The following FAM120A variants were observed in gnomAD, a reference collection of about 807,000 sequenced individuals.
FAM120A encodes constitutive coactivator of PPAR-gamma-like protein 1.
FAM120A carries 15 observed loss-of-function variants against 109.7 expected under a neutral mutation model. The observed-to-expected ratio is 0.14, with a 90% CI of 0.09 to 0.21. The LOEUF (loss-of-function observed/expected upper bound fraction) is 0.21. FAM120A is among the 10% of genes least tolerant of loss of function. FAM120A has a pLI of 1.00. For synonymous variants in FAM120A, 493 were observed against 572.8 expected (o/e 0.86, Z 1.99); for missense variants, 899 against 1,439.3 (o/e 0.62, Z 6.07).
chr9:93,527,237 A>G lies in FAM120A; in HGVS notation c.1501A>G (p.Thr501Ala), dbSNP rs1861124634. ...GGCACGAGGAGACCCAGGAGACCAA[A>G]CAAAGGTAGAAAGTCTATGCCTTTT... is the stretch of plus-strand genomic sequence containing the variant. ...PQARGDPGDQ[T>A]KAEGSSTASS... The change falls in exon 8 of 18, where the codon ACA becomes GCA. Residue 501 changes from threonine (T) to alanine (A), a missense_variant. By Grantham distance (58) the Thr-to-Ala change is moderately conservative (BLOSUM62 0). Around this residue, in one of 11 missense-constraint regions of FAM120A, gnomAD observed 57 missense variants for 52.9 expected, o/e 1.08. Coordinates refer to ENST00000277165, the MANE Select transcript of FAM120A (RefSeq NM_014612.5). 4 of 1,613,694 alleles carry G rather than the reference A, an allele frequency of 2.5e-6. No individual in the cohort carries two copies. The South Asian group carries it at 4.4e-5, about 18-fold the overall frequency.
At chr9:93,555,432 C>CT (rs1219461182) in intron 12 of FAM120A, among the ~76,000 whole-genome samples, 3 of 152,166 alleles carry the variant, frequency 2.0e-5, no homozygotes, top group African/African-American at 7.2e-5. Context: ...CCAGAATGAC[C>CT]TTTTTCTCTT....
chr9:93,516,866 T>G (rs761556011), intron 7 of FAM120A, among the ~76,000 whole-genome samples: 2 of 152,214 alleles, frequency 1.3e-5, no homozygotes, highest in African/African-American at 4.8e-5. Flanking sequence ...GAGGAAATCT[T>G]TAATTTGCAC....
At chr9:93,515,326 G>A (rs1283044358) in intron 5 of FAM120A, among the ~76,000 whole-genome samples, 1,974 of 146,926 alleles carry the variant, frequency 0.013, no homozygotes, top group African/African-American at 0.051. Flanking sequence ...CCCTGAGCAG[G>A]GAGACTGAGT....
At chr9:93,535,727 T>C (rs1417530743) in intron 10 of FAM120A, among the ~76,000 whole-genome samples, 1 of 152,200 alleles carries the variant, frequency 6.6e-6, no homozygotes, top group East Asian at 1.9e-4. Flanking sequence ...GTCAGTGATA[T>C]ATCCATGATT....
intron 1 of FAM120A, among the ~76,000 whole-genome samples, chr9:93,466,127 C>T (rs1858007421): frequency 6.6e-6 from 1 of 152,046 alleles, no homozygotes; most frequent in African/African-American, 2.4e-5. Context: ...TTTCCTTTCG[C>T]TTATTTATAA....
chr9:93,499,088 T>C (rs1019700115), intron 5 of FAM120A, among the ~76,000 whole-genome samples: 32 of 152,086 alleles, frequency 2.1e-4, no homozygotes, highest in Non-Finnish European at 3.7e-4. Flanking sequence ...ACAGCCTTCA[T>C]AGGATGAAGA....
At chr9:93,459,390 A>G (rs1209664439) in intron 1 of FAM120A, among the ~76,000 whole-genome samples, 2 of 152,276 alleles carry the variant, frequency 1.3e-5, no homozygotes, top group South Asian at 2.1e-4. Context: ...ATCTGGATCA[A>G]TGGCCATTAC....
intron 3 of FAM120A, among the ~76,000 whole-genome samples, chr9:93,490,861 C>A (rs1343983445): frequency 6.6e-6 from 1 of 152,164 alleles, no homozygotes; most frequent in East Asian, 1.9e-4. Flanking sequence ...CATCAAAGAT[C>A]TTTTCTGTCT....
chr9:93,516,201 C>T lies in FAM120A; in HGVS notation c.1350C>T (p.Ser450=), dbSNP rs375847707. ...GCGGCAGCCCCAACCACGTGGATTCCGCCTACTTCCCTGGCTCTTCTACAT... is the reference window on the plus strand; with the variant it reads ...GCGGCAGCCCCAACCACGTGGATTCTGCCTACTTCCCTGGCTCTTCTACAT... The part of the protein sequence containing the change: ...AQSGSPNHVD[S]AYFPGSSTSS... Residue 450 remains serine (S), a synonymous_variant, in exon 7 of 18, where the codon TCC becomes TCT. Transcript: ENST00000277165. 106 of 1,613,964 alleles carry T rather than the reference C, an allele frequency of 6.6e-5. No homozygotes were observed. In the African/African-American group the frequency reaches 9.5e-4, roughly 14 times the overall value.
At chr9:93,513,629 G>T (rs1432072382) in intron 5 of FAM120A, among the ~76,000 whole-genome samples, 1 of 152,192 alleles carries the variant, frequency 6.6e-6, no homozygotes, top group East Asian at 1.9e-4. Flanking sequence ...GGATCGAAGG[G>T]CTATGGTGTT....
chr9:93,524,757 T>G (rs188393555), intron 7 of FAM120A, among the ~76,000 whole-genome samples: 1 of 152,352 alleles, frequency 6.6e-6, no homozygotes, highest in East Asian at 1.9e-4. Flanking sequence ...CTGGATTTTA[T>G]CATTTTATCA....
intron 1 of FAM120A, among the ~76,000 whole-genome samples, chr9:93,467,087 G>A (rs1221218905): frequency 1.3e-5 from 2 of 152,092 alleles, no homozygotes; most frequent in Non-Finnish European, 2.9e-5. Flanking sequence ...AGGTTGATTT[G>A]TTTTTTCATT....
chr9:93,487,212 A>G (rs1859098985), intron 3 of FAM120A, among the ~76,000 whole-genome samples: 1 of 151,996 alleles, frequency 6.6e-6, no homozygotes, highest in Non-Finnish European at 1.5e-5. Context: ...CCCAGGCTGG[A>G]GTGCAGTGGC....
chr9:93,510,160 T>G (rs1205249875), intron 5 of FAM120A, among the ~76,000 whole-genome samples: 1 of 152,226 alleles, frequency 6.6e-6, no homozygotes, highest in African/African-American at 2.4e-5. Context: ...AATTGGATTC[T>G]TCTGCTGGTG....
intron 3 of FAM120A, among the ~76,000 whole-genome samples, chr9:93,480,921 G>T (rs1858770282): frequency 6.6e-6 from 1 of 152,240 alleles, no homozygotes; most frequent in Non-Finnish European, 1.5e-5. Flanking sequence ...AGTGTGGCTG[G>T]CAGTGTTGCA....
chr9:93,467,912 G>A (rs10992744), intron 1 of FAM120A, among the ~76,000 whole-genome samples: 31,656 of 151,148 alleles, frequency 0.21, 4,162 homozygotes, highest in East Asian at 0.32. Context: ...ACGGAGTTTC[G>A]CTCTTGTCGC....
At chr9:93,455,139 C>A (rs1351554322) in intron 1 of FAM120A, among the ~76,000 whole-genome samples, 1 of 152,186 alleles carries the variant, frequency 6.6e-6, no homozygotes, top group African/African-American at 2.4e-5. Flanking sequence ...ACAAAGTATC[C>A]TTTAATAAGT....
intron 11 of FAM120A, among the ~76,000 whole-genome samples, chr9:93,546,565 C>T (rs571500053): frequency 1.3e-5 from 2 of 152,334 alleles, no homozygotes; most frequent in East Asian, 1.9e-4. Context: ...GGGAAGAGGC[C>T]ATGCATGCAG....
At chr9:93,514,425 A>G (rs1198907617) in intron 5 of FAM120A, among the ~76,000 whole-genome samples, 1 of 152,266 alleles carries the variant, frequency 6.6e-6, no homozygotes, top group South Asian at 2.1e-4. Context: ...AATTGGAGTC[A>G]GCAAGCTCTG....
Sources: gnomAD v4.1 joint callset for allele counts (sites outside exome capture counted in the v4.1 genomes callset) on GRCh38, gnomAD v4.1.1 for gene constraint, gnomAD v4.1.1 regional missense constraint, MANE v1.5 for transcripts, NCBI Gene and HGNC (gene_info 2026-07-23, HGNC 2026-07-21) for gene names.